The following BCORL1 variants were observed in gnomAD, a reference collection of about 807,000 sequenced individuals.
BCORL1 encodes BCL-6 corepressor-like protein 1.
Under a neutral mutation model 87.6 loss-of-function variants are expected in BCORL1, and 7 were observed. The observed-to-expected ratio is 0.08, with a 90% CI of 0.05 to 0.15. The LOEUF is 0.15. Among genes scored for constraint, BCORL1 ranks in the 10% least tolerant of loss-of-function variants. The pLI, the probability that BCORL1 is intolerant of heterozygous loss-of-function variation, is 1.00. For missense variants in BCORL1, 1,215 were observed against 1,499.7 expected (o/e 0.81, Z 3.13); for synonymous variants, 591 against 634.4 (o/e 0.93, Z 1.03).
intron 1 of BCORL1, among the ~76,000 whole-genome samples, chrX:129,993,760 G>T (rs760763042): frequency 9.9e-5 from 11 of 111,635 alleles, no homozygotes; most frequent in Non-Finnish European, 1.9e-4. Context: ...AATAGATTAC[G>T]TATGGTCCTT....
At chrX:130,049,761 C>T (rs1203677871) in intron 11 of BCORL1, among the ~76,000 whole-genome samples, 2 of 112,544 alleles carry the variant, frequency 1.8e-5, no homozygotes, top group Non-Finnish European at 3.8e-5. Context: ...GCCATTTCCC[C>T]ATGTTCTTCA....
intron 1 of BCORL1, among the ~76,000 whole-genome samples, chrX:129,998,277 G>A (rs1927720051): frequency 9.3e-6 from 1 of 107,095 alleles, no homozygotes; most frequent in Admixed American, 1.0e-4. Flanking sequence ...GGTCATTTGG[G>A]ATTACCAGGT....
At chrX:130,010,407 C>G (rs1928852225) in intron 2 of BCORL1, 1 of 110,778 alleles carries the variant, frequency 9.0e-6, no homozygotes, top group African/African-American at 3.3e-5. Context: ...TATGTTTTCC[C>G]TTTCCTTCAG....
At chrX:130,028,450 T>G (rs1203347212) in intron 7 of BCORL1, among the ~76,000 whole-genome samples, 185 bp from the exon 8 acceptor site, 8 of 109,873 alleles carry the variant, frequency 7.3e-5, no homozygotes, top group Non-Finnish European at 1.5e-4. Context: ...TGAAGTATGG[T>G]GTGTTCATTC....
Position 130,014,827 on chromosome X carries a change from G to A in BCORL1, c.2055G>A (p.Ser685=), listed in dbSNP as rs146730788. 74 of 1,209,126 alleles carry A rather than the reference G, an allele frequency of 6.1e-5. No individual in the cohort carries two copies. In the African/African-American group the frequency reaches 1.2e-3, roughly 19 times the overall value. The change falls in exon 4 of 14, where the codon TCG becomes TCA. Residue 685 remains serine (S), a synonymous_variant. Coordinates refer to ENST00000540052, the MANE Select transcript of BCORL1 (RefSeq NM_001379451.1). ...CCTCCTGCCTGGGCTCCACTTCCTCGCCCTTTGTCATCTTTCCCGAGATCG... is the reference window on the plus strand; with the variant it reads ...CCTCCTGCCTGGGCTCCACTTCCTCACCCTTTGTCATCTTTCCCGAGATCG... ...NVTSCLGSTS[S]PFVIFPEIVR... is the part of the protein sequence containing the mutation.
chrX:129,989,896 G>A (rs1306221487), intron 1 of BCORL1, among the ~76,000 whole-genome samples: 1 of 108,378 alleles, frequency 9.2e-6, no homozygotes, highest in African/African-American at 3.4e-5. Flanking sequence ...AGCGATTCTC[G>A]TGCCTCAGCC....
intron 1 of BCORL1, among the ~76,000 whole-genome samples, chrX:129,996,920 T>C (rs761233523): frequency 1.8e-5 from 2 of 111,697 alleles, no homozygotes; most frequent in East Asian, 5.6e-4. Flanking sequence ...CCTGGCCTGG[T>C]CCTTTTTAAG....
rs750867003 is a variant in BCORL1, at chrX:130,016,143, A to G, written c.3371A>G (p.Glu1124Gly). ...LPPKKMKCGK[E>G]KDSEEQQLQP... is the part of the protein sequence containing the mutation. Reference sequence around the variant, plus strand: ...CCCAAGAAGATGAAGTGCGGCAAAGAGAAGGACAGTGAAGAGCAGCAGCTC... The same window carrying G: ...CCCAAGAAGATGAAGTGCGGCAAAGGGAAGGACAGTGAAGAGCAGCAGCTC... The change falls in exon 4 of 14, where the codon GAG (glutamate) becomes GGG (glycine). Residue 1124 changes from glutamate to glycine, a missense_variant. This residue lies in a region of BCORL1 where 861 missense variants were observed against 1,010.0 expected (regional missense o/e 0.85). Coordinates refer to ENST00000540052, the MANE Select transcript of BCORL1 (RefSeq NM_001379451.1). The G allele has an allele frequency of 5.0e-6, 6 of 1,209,072 alleles. No homozygotes were observed. Among genetic ancestry groups the G allele is most frequent in the Non-Finnish European group, 6.7e-6 (6 of 895,086 alleles).
chrX:130,034,337 G>A (rs1219582026), intron 8 of BCORL1, 118 bp from the exon 9 acceptor site: 1 of 511,896 alleles, frequency 2.0e-6, no homozygotes, highest in Non-Finnish European at 2.9e-6. Context: ...TGTAAGCAAA[G>A]TACAGCATGG....
At chrX:130,005,859 C>T (rs1468413210) in intron 2 of BCORL1, among the ~76,000 whole-genome samples, 1 of 109,263 alleles carries the variant, frequency 9.2e-6, no homozygotes, top group Non-Finnish European at 1.9e-5. Context: ...CCCCTGAGCT[C>T]AAGTGATCTG....
chrX:130,008,643 C>T (rs1452829975), intron 2 of BCORL1, among the ~76,000 whole-genome samples: 2 of 112,148 alleles, frequency 1.8e-5, no homozygotes, highest in South Asian at 3.7e-4. Flanking sequence ...TAGGCCGCTA[C>T]AGCCTAGACC....
At chrX:130,039,100 T>C in intron 10 of BCORL1, 37 bp from the exon 11 acceptor site, 1 of 1,204,153 alleles carries the variant, frequency 8.3e-7, no homozygotes, top group Non-Finnish European at 1.1e-6. Context: ...AGTTCCCACT[T>C]GGGCCCTGTT....
intron 1 of BCORL1, among the ~76,000 whole-genome samples, chrX:130,000,994 G>A (rs745881173): frequency 1.2e-4 from 13 of 110,667 alleles, no homozygotes; most frequent in African/African-American, 4.3e-4. Flanking sequence ...TTCTTATCCA[G>A]AATTCAGTTC....
At chrX:129,990,461 C>G (rs189861060) in intron 1 of BCORL1, among the ~76,000 whole-genome samples, 1,149 of 110,519 alleles carry the variant, frequency 0.01, 17 homozygotes, top group African/African-American at 0.034. Flanking sequence ...TCAATCTCCT[C>G]ACCTCGTGAT....
intron 1 of BCORL1, among the ~76,000 whole-genome samples, chrX:130,004,249 T>TTTTTG (rs1473349302): frequency 2.9e-4 from 29 of 100,926 alleles, no homozygotes; most frequent in African/African-American, 1.0e-3. Context: ...TGGTTTTTTT[T>TTTTTG]TTTTTTTTTT....
chrX:130,022,236 CTTTTTTTTT>C (rs34598574), intron 5 of BCORL1, among the ~76,000 whole-genome samples: 4 of 56,335 alleles, frequency 7.1e-5, no homozygotes, highest in Non-Finnish European at 9.4e-5. Flanking sequence ...TTCTTTCTTT[CTTTTTTTTT>C]TTTTTTTTTT....
At chrX:130,006,023 T>G (rs5975164) in intron 2 of BCORL1, among the ~76,000 whole-genome samples, 1 of 111,027 alleles carries the variant, frequency 9.0e-6, no homozygotes, top group African/African-American at 3.3e-5. Flanking sequence ...GGAAGAAAGA[T>G]GGTTTTATTG....
chrX:130,044,850 G>A (rs746264674), intron 11 of BCORL1, among the ~76,000 whole-genome samples: 17 of 112,355 alleles, frequency 1.5e-4, no homozygotes, highest in Non-Finnish European at 2.8e-4. Flanking sequence ...ACTGTTTTCC[G>A]GTATCCTGAA....
intron 1 of BCORL1, among the ~76,000 whole-genome samples, chrX:130,003,374 C>CTTT (rs59574323): frequency 3.3e-5 from 3 of 91,505 alleles, no homozygotes; most frequent in Admixed American, 1.2e-4. Context: ...TCTTCTTCTT[C>CTTT]TTTTTTTTTT....
Sources: allele counts gnomAD v4.1 joint callset (sites outside exome capture counted in the v4.1 genomes callset), GRCh38; gene constraint gnomAD v4.1.1; regional missense constraint gnomAD v4.1.1; transcripts MANE v1.5; gene names NCBI Gene and HGNC (gene_info 2026-07-23, HGNC 2026-07-21).